The following IGF2BP3 variants were observed in gnomAD, a reference collection of about 807,000 sequenced individuals.
IGF2BP3 encodes the protein insulin-like growth factor 2 mRNA-binding protein 3.
IGF2BP3 carries 9 observed loss-of-function variants against 73.8 expected under a neutral mutation model. That is an observed-to-expected ratio of 0.12 (90% CI 0.07 to 0.21). The LOEUF (loss-of-function observed/expected upper bound fraction) is 0.21, where lower values mean the gene tolerates loss of function less well. IGF2BP3 is among the 10% of genes least tolerant of loss of function. The pLI, the probability that IGF2BP3 is intolerant of heterozygous loss-of-function variation, is 1.00. For synonymous variants in IGF2BP3, 258 were observed against 256.7 expected (o/e 1.01, Z -0.05); for missense variants, 542 against 714.0 (o/e 0.76, Z 2.75).
intron 2 of IGF2BP3, among the ~76,000 whole-genome samples, chr7:23,460,021 G>T (rs899892043): frequency 2.0e-5 from 3 of 151,330 alleles, no homozygotes; most frequent in Non-Finnish European, 4.4e-5. Context: ...TTGAGCCAAG[G>T]AGTTCAAGAC....
chr7:23,410,596 C>G (rs1196835708), intron 3 of IGF2BP3, among the ~76,000 whole-genome samples: 1 of 152,124 alleles, frequency 6.6e-6, no homozygotes, highest in Admixed American at 6.5e-5. Flanking sequence ...AAAGTCTGGC[C>G]CATCCCAGAG....
At chr7:23,314,479 G>A (rs1013860356) in intron 12 of IGF2BP3, among the ~76,000 whole-genome samples, 11 of 151,788 alleles carry the variant, frequency 7.2e-5, no homozygotes, top group African/African-American at 2.7e-4. Flanking sequence ...GAGCCACTGC[G>A]CCACTAATTT....
chr7:23,340,466 T>C (rs766171282), intron 10 of IGF2BP3, among the ~76,000 whole-genome samples: 5 of 152,206 alleles, frequency 3.3e-5, no homozygotes, highest in Non-Finnish European at 7.3e-5. Context: ...CATCTGTATT[T>C]TCTGTACAAT....
chr7:23,424,776 G>GAGCA (rs1313990679), intron 2 of IGF2BP3, among the ~76,000 whole-genome samples: 1 of 152,134 alleles, frequency 6.6e-6, no homozygotes, highest in African/African-American at 2.4e-5. Flanking sequence ...AGAGCCAATA[G>GAGCA]AGCAGCTCAT....
intron 5 of IGF2BP3, among the ~76,000 whole-genome samples, chr7:23,360,010 T>A (rs942786167): frequency 6.6e-6 from 1 of 151,678 alleles, no homozygotes; most frequent in Non-Finnish European, 1.5e-5. Flanking sequence ...TGTTTAAACA[T>A]ATTAAAAGCC....
At chr7:23,434,961 C>T (rs1787773307) in intron 2 of IGF2BP3, among the ~76,000 whole-genome samples, 1 of 152,046 alleles carries the variant, frequency 6.6e-6, no homozygotes. Context: ...TAAAATTTTC[C>T]CTTTTCTCAC....
intron 2 of IGF2BP3, among the ~76,000 whole-genome samples, chr7:23,449,971 T>C (rs1176129786): frequency 2.0e-5 from 3 of 152,254 alleles, no homozygotes; most frequent in African/African-American, 7.2e-5. Flanking sequence ...TTAAGACTAT[T>C]TTCCTAATAA....
intron 2 of IGF2BP3, among the ~76,000 whole-genome samples, chr7:23,465,311 G>A (rs1200714810): frequency 6.6e-6 from 1 of 152,228 alleles, no homozygotes; most frequent in African/African-American, 2.4e-5. Flanking sequence ...AGAATAGAGA[G>A]TGCAACACTA....
intron 3 of IGF2BP3, chr7:23,405,252 G>C (rs1562731556): frequency 6.6e-6 from 1 of 152,158 alleles, no homozygotes; most frequent in Non-Finnish European, 1.5e-5. Context: ...CCAGGTTCTA[G>C]ATCCAGACAA....
intron 6 of IGF2BP3, among the ~76,000 whole-genome samples, chr7:23,350,004 G>A (rs192947988): frequency 7.2e-5 from 11 of 152,268 alleles, no homozygotes; most frequent in Admixed American, 2.6e-4. Flanking sequence ...AGGTCAGGGC[G>A]ATTAATTTTG....
chr7:23,332,785 C>T (rs17797041), intron 10 of IGF2BP3, among the ~76,000 whole-genome samples: 10,694 of 152,190 alleles, frequency 0.07, 527 homozygotes, highest in Admixed American at 0.14. Context: ...CCAACACTGA[C>T]TATCAACTGT....
chr7:23,363,151 C>T (rs1315767524), intron 3 of IGF2BP3, among the ~76,000 whole-genome samples: 2 of 152,220 alleles, frequency 1.3e-5, no homozygotes, highest in Non-Finnish European at 2.9e-5. Context: ...TAAACTTAAG[C>T]AATTTCTTCT....
intron 2 of IGF2BP3, among the ~76,000 whole-genome samples, chr7:23,438,612 A>G (rs1424619230): frequency 6.6e-6 from 1 of 151,442 alleles, no homozygotes; most frequent in Non-Finnish European, 1.5e-5. Flanking sequence ...GACCGACTCT[A>G]TTTTTAAAAA....
Position 23,469,180 on chromosome 7 carries a change from T to C in IGF2BP3, c.176-638A>G. ...TCCCATGGGGACCCCAACGCAGCCT[T>C]CCCCCTGGGCGTCCTGCTCCGCCCG... On this transcript the variant is annotated intron_variant, in intron 1 of 14. Coordinates refer to ENST00000258729, the MANE Select transcript of IGF2BP3 (RefSeq NM_006547.3). This position sits in a 1 kb window ranked among gnomAD's most constrained non-coding sequence, Gnocchi z 6.1. 1 of 152,870 alleles carries C rather than the reference T, an allele frequency of 6.5e-6. No homozygotes were observed. The highest frequency in any genetic ancestry group is 1.5e-5 in the Non-Finnish European group (1 of 68,520). 9.5% of individuals were successfully genotyped at this position (152,870 alleles called of 1,614,324 possible). A position where few individuals can be genotyped will look rare whatever the true frequency, so the allele number is the denominator to read the frequency against.
intron 2 of IGF2BP3, among the ~76,000 whole-genome samples, chr7:23,424,862 A>C (rs1053861078): frequency 1.3e-5 from 2 of 152,252 alleles, no homozygotes; most frequent in Non-Finnish European, 2.9e-5. Context: ...AGAAATGTTC[A>C]AATTGTCACC....
intron 2 of IGF2BP3, among the ~76,000 whole-genome samples, chr7:23,455,595 T>C (rs755426616): frequency 3.9e-5 from 6 of 152,144 alleles, no homozygotes; most frequent in Admixed American, 6.5e-5. Flanking sequence ...TGAACCACCA[T>C]TACTGTTGAA....
intron 3 of IGF2BP3, among the ~76,000 whole-genome samples, chr7:23,381,938 G>GT (rs1288970630): frequency 6.6e-6 from 1 of 152,038 alleles, no homozygotes; most frequent in Non-Finnish European, 1.5e-5. Context: ...GGGCAAAGAT[G>GT]TAACATTTGC....
At chr7:23,449,618 G>A (rs147891326) in intron 2 of IGF2BP3, among the ~76,000 whole-genome samples, 3,011 of 142,224 alleles carry the variant, frequency 0.021, 108 homozygotes, top group African/African-American at 0.075. Flanking sequence ...GTGCAGTGGC[G>A]CAATCTTGGG....
At chr7:23,335,183 G>A (rs1353769231) in intron 10 of IGF2BP3, among the ~76,000 whole-genome samples, 6 of 148,780 alleles carry the variant, frequency 4.0e-5, no homozygotes, top group Non-Finnish European at 7.4e-5. Context: ...CTTAGAAATT[G>A]TTTACCAACA....
Sources: allele counts gnomAD v4.1 joint callset (sites outside exome capture counted in the v4.1 genomes callset), GRCh38; gene constraint gnomAD v4.1.1; non-coding constraint Gnocchi (gnomAD v3.1); transcripts MANE v1.5; gene names NCBI Gene and HGNC (gene_info 2026-07-23, HGNC 2026-07-21).